ACAD9: variants seen among roughly 807,000 people sequenced by gnomAD.
ACAD9 encodes the protein complex I assembly factor ACAD9, mitochondrial.
A neutral mutation model predicts 70.2 loss-of-function variants in ACAD9; 53 were observed. The ratio of observed to expected loss-of-function variants is 0.75; its 90% CI spans 0.61 to 0.95. ACAD9 has a LOEUF of 0.95. ACAD9 is among the 40% of genes least tolerant of loss of function. The pLI, the probability that ACAD9 is intolerant of heterozygous loss-of-function variation, is 0.00. For synonymous variants in ACAD9, 313 were observed against 312.1 expected (o/e 1.00, Z -0.03); for missense variants, 777 against 802.8 (o/e 0.97, Z 0.39).
intron 4 of ACAD9, 62 bp downstream of exon 4, chr3:128,895,478 A>T: frequency 1.4e-6 from 2 of 1,463,566 alleles, no homozygotes. Context: ...ACATGGAGGC[A>T]TAGAGGCCAG....
In ACAD9 at chr3:128,909,046, A is replaced by G; in HGVS notation, c.1432A>G (p.Thr478Ala). ...GRRLRDSLGR[T>A]VDLGLTGNHG... ...GAGGCTTCGGGACTCCCTGGGCCGA[A>G]CTGTGGACCTGGGGCTGACAGGCAA... The change falls in exon 14 of 18, where the codon ACT becomes GCT. Residue 478 changes from threonine (T) to alanine (A), a missense_variant. Transcript: ENST00000308982. 1.2e-6 allele frequency: 2 copies of G among 1,614,130 alleles called. No individual in the cohort carries two copies. Among genetic ancestry groups the G allele is most frequent in the Non-Finnish European group, 1.7e-6 (2 of 1,180,024 alleles).
At chr3:128,897,779 C>T in intron 6 of ACAD9, 69 bp downstream of exon 6, 1 of 1,356,108 alleles carries the variant, frequency 7.4e-7, no homozygotes, top group Admixed American at 1.9e-5. Context: ...AGTGAGCACT[C>T]TCCACACACC....
At chr3:128,904,961 A>G (rs1007224877) in intron 11 of ACAD9, among the ~76,000 whole-genome samples, 3 of 152,136 alleles carry the variant, frequency 2.0e-5, no homozygotes, top group African/African-American at 7.2e-5. Flanking sequence ...CCTGGCCAAC[A>G]TGGTAAAACC....
chr3:128,900,886 CT>C (rs1313957365), intron 7 of ACAD9, among the ~76,000 whole-genome samples: 2 of 152,140 alleles, frequency 1.3e-5, no homozygotes, highest in Non-Finnish European at 2.9e-5. Flanking sequence ...AAATGCTGTT[CT>C]TTCCCTCACT....
At position 128,881,270 on chromosome 3, in the gene ACAD9, C is replaced by T. The variant is rs947927407; in HGVS notation, c.150+1429C>T. On this transcript the variant is annotated intron_variant, in intron 1 of 17. Transcript: ENST00000308982. ...ATCCAGCAGCATGGTGAAGAAAGAA[C>T]ACAGATCTTTCAGATCTGTTTCCAT... 5.3e-5 allele frequency among the ~76,000 whole-genome samples: 8 copies of T among 152,318 alleles called. No individual in the cohort carries two copies. The East Asian group carries it at 1.5e-3, about 29-fold the overall frequency.
In ACAD9 at chr3:128,897,516, C is replaced by G. The variant is rs789213; in HGVS notation, c.555-116C>G. On this transcript the variant is annotated intron_variant, in intron 5 of 17. Coordinates refer to ENST00000308982, the MANE Select transcript of ACAD9 (RefSeq NM_014049.5). ...AAGCTGAATATGTTATCTGACCCTT[C>G]ATTTTAAAAGTTTGCTGACCTCTTA... 0.24 allele frequency: 218,815 copies of G among 897,206 alleles called. 29,323 individuals carry two copies. Among genetic ancestry groups the G allele is most frequent in the East Asian group, 0.56 (21,220 of 37,942 alleles). The allele number at this position is 897,206 out of a possible 1,614,324, so 55.6% of individuals were successfully genotyped here.
chr3:128,901,368 C>T lies in ACAD9; in HGVS notation c.882+19C>T. On this transcript the variant is annotated intron_variant, in intron 8 of 17. Transcript: ENST00000308982. ...GTTTAAGGTGAGTTGCCAGCCACAG[C>T]CCCTTGTACCAGGTAGTGTCATGAG... 1.2e-6 allele frequency: 2 copies of T among 1,613,762 alleles called. No individual in the cohort carries two copies. The highest frequency in any genetic ancestry group is 1.7e-6 in the Non-Finnish European group (2 of 1,179,622).
chr3:128,901,298 C>A lies in ACAD9; in HGVS notation c.831C>A (p.Asn277Lys). The part of the protein sequence containing the change: ...GSNTCEVHFE[N>K]TKIPVENILG... ...CAGCTTGTGAAGTCCATTTTGAAAACACCAAGATACCTGTGGAAAACATCC... is the reference window on the plus strand; with the variant it reads ...CAGCTTGTGAAGTCCATTTTGAAAAAACCAAGATACCTGTGGAAAACATCC... Residue 277 changes from asparagine (N) to lysine (K), a missense_variant, in exon 8 of 18, where the codon AAC becomes AAA. Transcript: ENST00000308982. 1 of 1,613,948 alleles carries A rather than the reference C, an allele frequency of 6.2e-7. No individual in the cohort carries two copies. The highest frequency in any genetic ancestry group is 1.3e-5 in the African/African-American group (1 of 75,034).
intron 2 of ACAD9, 81 bp from the exon 3 acceptor site, chr3:128,893,470 GATTA>G: frequency 9.5e-7 from 1 of 1,050,680 alleles, no homozygotes; most frequent in Non-Finnish European, 1.4e-6. Flanking sequence ...GATTATATAT[GATTA>G]ATATATAAAC....
intron 11 of ACAD9, among the ~76,000 whole-genome samples, chr3:128,905,339 G>A (rs973637938): frequency 2.6e-5 from 4 of 152,162 alleles, no homozygotes; most frequent in Non-Finnish European, 4.4e-5. Context: ...TTTTGTTGAG[G>A]GTGGAGGGTG....
chr3:128,912,835 A>G lies in ACAD9; in HGVS notation c.*228A>G, dbSNP rs746090203. 1.4e-6 allele frequency: 1 copy of G among 689,900 alleles called. No individual in the cohort carries two copies. The highest frequency in any genetic ancestry group is 2.7e-6 in the Non-Finnish European group (1 of 370,560). 42.7% of individuals were successfully genotyped at this position (689,900 alleles called of 1,614,324 possible). A position where few individuals can be genotyped will look rare whatever the true frequency, so the allele number is the denominator to read the frequency against. On this transcript the variant is annotated 3_prime_UTR_variant, in exon 18 of 18. Transcript: ENST00000308982. ...ACAGCTTCTGAACTGAGCCGGAGAG[A>G]GAGAATGGAATTGCTGACCCCTGGA...
intron 6 of ACAD9, among the ~76,000 whole-genome samples, chr3:128,898,797 C>T (rs1017253694): frequency 6.6e-6 from 1 of 152,264 alleles, no homozygotes. Context: ...ACACAAGTCC[C>T]ATCTGTTGCT....
intron 13 of ACAD9, chr3:128,908,725 A>G: frequency 1.7e-6 from 1 of 594,788 alleles, no homozygotes. Flanking sequence ...TCTCCTTCAC[A>G]GGAGACAGCT....
At chr3:128,885,048 G>A (rs1306031603) in intron 2 of ACAD9, among the ~76,000 whole-genome samples, 1 of 152,200 alleles carries the variant, frequency 6.6e-6, no homozygotes, top group East Asian at 1.9e-4. Context: ...AAAAGCCAAG[G>A]CCACACACCA....
chr3:128,901,838 A>G (rs913594086), intron 8 of ACAD9, among the ~76,000 whole-genome samples: 1 of 152,188 alleles, frequency 6.6e-6, no homozygotes, highest in Non-Finnish European at 1.5e-5. Flanking sequence ...CCTCACCCCA[A>G]AAAGAAATGT....
In ACAD9 at chr3:128,906,133, G is replaced by A. The variant is rs1462293293; in HGVS notation, c.1162G>A (p.Glu388Lys). 3 of 1,614,152 alleles carry A rather than the reference G, an allele frequency of 1.9e-6. No homozygotes were observed. The highest frequency in any genetic ancestry group is 3.3e-5 in the Admixed American group (2 of 60,030). Reference protein sequence around the residue: ...EAAMVKVFSSEAAWQCVSEAL... With the variant: ...EAAMVKVFSSKAAWQCVSEAL... ...TGACACCCCACAGGTGTTCAGCTCCGAGGCCGCCTGGCAGTGTGTGAGTGA... is the reference window on the plus strand; with the variant it reads ...TGACACCCCACAGGTGTTCAGCTCCAAGGCCGCCTGGCAGTGTGTGAGTGA... Residue 388 changes from glutamate to lysine, a missense_variant, in exon 12 of 18, where the codon GAG becomes AAG. Coordinates refer to ENST00000308982, the MANE Select transcript of ACAD9 (RefSeq NM_014049.5).
In ACAD9 at chr3:128,886,912, A is replaced by T. The variant is rs954931829; in HGVS notation, c.244+2166A>T. On this transcript the variant is annotated intron_variant, in intron 2 of 17. Coordinates refer to ENST00000308982, the MANE Select transcript of ACAD9 (RefSeq NM_014049.5). Reference sequence around the variant, plus strand: ...TTTTTTTTTAACTGTCTTTTTTTATAATCTTCAGACATGCTTTTTGTTTGT... The same window carrying T: ...TTTTTTTTTAACTGTCTTTTTTTATTATCTTCAGACATGCTTTTTGTTTGT... Among the ~76,000 whole-genome samples the T allele has an allele frequency of 3.7e-4, 56 of 150,802 alleles. 1 individual carries two copies. The highest frequency in any genetic ancestry group is 7.4e-5 in the Non-Finnish European group (5 of 67,742).
intron 1 of ACAD9, among the ~76,000 whole-genome samples, chr3:128,882,891 T>C (rs1935133845): frequency 1.3e-5 from 2 of 152,220 alleles, no homozygotes; most frequent in Non-Finnish European, 2.9e-5. Flanking sequence ...TGGCAGGTTT[T>C]CTGTGGTTGT....
Position 128,902,307 on chromosome 3 carries a change from G to T in ACAD9, c.883-246G>T, listed in dbSNP as rs1403417568. ...TCTTGCCTTGGCCTTCCAAAATGCTGGTACTACAGGTGGGAGCCACCATGC... is the reference window on the plus strand; with the variant it reads ...TCTTGCCTTGGCCTTCCAAAATGCTTGTACTACAGGTGGGAGCCACCATGC... On this transcript the variant is annotated intron_variant, in intron 8 of 17. Coordinates refer to ENST00000308982, the MANE Select transcript of ACAD9 (RefSeq NM_014049.5). This position sits in a 1 kb window ranked among gnomAD's most constrained non-coding sequence, Gnocchi z 4.0. Among the ~76,000 whole-genome samples the T allele has an allele frequency of 2.6e-5, 4 of 152,208 alleles. No individual in the cohort carries two copies. Among genetic ancestry groups the T allele is most frequent in the Non-Finnish European group, 5.9e-5 (4 of 68,036 alleles).
Sources: gnomAD v4.1 joint callset for allele counts (sites outside exome capture counted in the v4.1 genomes callset) on GRCh38, gnomAD v4.1.1 for gene constraint, Gnocchi (gnomAD v3.1) non-coding constraint, MANE v1.5 for transcripts, NCBI Gene and HGNC (gene_info 2026-07-23, HGNC 2026-07-21) for gene names.